Variants in SLC16A1 observed in about 807,000 individuals in gnomAD.
SLC16A1 encodes the protein solute carrier family 16 member 1.
A neutral mutation model predicts 32.2 loss-of-function variants in SLC16A1; 11 were observed. That is an observed-to-expected ratio of 0.34 (90% CI 0.21 to 0.56). The LOEUF (loss-of-function observed/expected upper bound fraction) is 0.56. Among genes scored for constraint, SLC16A1 ranks in the 20% least tolerant of loss-of-function variants. The probability of loss-of-function intolerance (pLI) is 0.87; values close to 1 mark genes in which losing one functional copy is unlikely to be tolerated. For missense variants in SLC16A1, 435 were observed against 615.0 expected (o/e 0.71, Z 3.10); for synonymous variants, 231 against 226.8 (o/e 1.02, Z -0.17).
intron 2 of SLC16A1, among the ~76,000 whole-genome samples, chr1:112,924,751 G>C (rs113138859): frequency 0.025 from 3,780 of 152,180 alleles, 166 homozygotes; most frequent in African/African-American, 0.086. Flanking sequence ...AGGTATGGTG[G>C]TGGTGCATGC....
chr1:112,954,681 T>C (rs1650014518), intron 1 of SLC16A1, among the ~76,000 whole-genome samples: 1 of 152,226 alleles, frequency 6.6e-6, no homozygotes, highest in Non-Finnish European at 1.5e-5. Flanking sequence ...CCTCAGATCA[T>C]TAACTTGCAT....
intron 1 of SLC16A1, among the ~76,000 whole-genome samples, chr1:112,939,053 G>GTT (rs60769129): frequency 1.4e-5 from 2 of 144,138 alleles, no homozygotes; most frequent in Non-Finnish European, 1.5e-5. Context: ...ACCATGCCCA[G>GTT]TTTTTTTTTT....
intron 4 of SLC16A1, among the ~76,000 whole-genome samples, chr1:112,914,848 T>G (rs1481520518): frequency 6.6e-6 from 1 of 152,244 alleles, no homozygotes; most frequent in East Asian, 1.9e-4. Flanking sequence ...TCAAATGAAT[T>G]GATAAATGGC....
Position 112,913,846 on chromosome 1 carries a change from A to C in SLC16A1, c.*45T>G, listed in dbSNP as rs1648406644. ...ACAGGCCAGTAGAATATTTTCAGAT[A>C]TCCTGGGTCATGAACTGCTCAATTT... On this transcript the variant is annotated 3_prime_UTR_variant, in exon 5 of 5. Coordinates refer to ENST00000369626, the MANE Select transcript of SLC16A1 (RefSeq NM_003051.4). 1 of 1,611,312 alleles carries C rather than the reference A, an allele frequency of 6.2e-7. No homozygotes were observed. Among genetic ancestry groups the C allele is most frequent in the African/African-American group, 1.3e-5 (1 of 74,874 alleles).
intron 1 of SLC16A1, among the ~76,000 whole-genome samples, chr1:112,951,206 T>C (rs780042472): frequency 2.0e-4 from 30 of 151,954 alleles, no homozygotes; most frequent in Non-Finnish European, 3.2e-4. Flanking sequence ...GAGAAAAATA[T>C]ATAAACTAGG....
intron 1 of SLC16A1, among the ~76,000 whole-genome samples, chr1:112,948,487 T>C (rs540459575): frequency 6.6e-6 from 1 of 152,204 alleles, no homozygotes; most frequent in South Asian, 2.1e-4. Context: ...TTTTTTTAGA[T>C]GGAGTCTAGC....
chr1:112,937,502 C>G (rs1649347594), intron 1 of SLC16A1, among the ~76,000 whole-genome samples: 1 of 152,016 alleles, frequency 6.6e-6, no homozygotes, highest in Non-Finnish European at 1.5e-5. Context: ...ATGGCTATCC[C>G]TGTTAACTTA....
At chr1:112,941,278 C>CTTT (rs11362773) in intron 1 of SLC16A1, among the ~76,000 whole-genome samples, 2 of 111,562 alleles carry the variant, frequency 1.8e-5, no homozygotes, top group Admixed American at 8.9e-5. Flanking sequence ...CTCTTCACAC[C>CTTT]TTTTTTTTTT....
chr1:112,918,094 AAATAAAT>A (rs755603597), intron 3 of SLC16A1, 50 bp from the exon 4 acceptor site: 67 of 1,090,212 alleles, frequency 6.1e-5, no homozygotes, highest in African/African-American at 1.0e-4. Flanking sequence ...ATAAATAAAT[AAATAAAT>A]AATAAGAGGT....
chr1:112,950,001 T>C (rs908749081), intron 1 of SLC16A1, among the ~76,000 whole-genome samples: 1 of 152,228 alleles, frequency 6.6e-6, no homozygotes, highest in African/African-American at 2.4e-5. Flanking sequence ...AATTTCAAGA[T>C]AGCTATAACA....
chr1:112,947,839 C>A (rs926105269), intron 1 of SLC16A1, among the ~76,000 whole-genome samples: 2 of 152,128 alleles, frequency 1.3e-5, no homozygotes, highest in African/African-American at 4.8e-5. Flanking sequence ...CAGTAACAGA[C>A]AAATCTCACA....
chr1:112,942,691 C>G (rs1649550160), intron 1 of SLC16A1, among the ~76,000 whole-genome samples: 1 of 152,186 alleles, frequency 6.6e-6, no homozygotes. Flanking sequence ...TACAATATGC[C>G]TGAGTAAGAA....
chr1:112,941,621 G>A (rs541035507), intron 1 of SLC16A1, among the ~76,000 whole-genome samples: 17 of 152,208 alleles, frequency 1.1e-4, no homozygotes, highest in African/African-American at 4.1e-4. Context: ...ACGTATTCTT[G>A]GAGAGCATTC....
intron 1 of SLC16A1, among the ~76,000 whole-genome samples, chr1:112,944,361 C>T (rs1432818119): frequency 6.6e-6 from 1 of 152,140 alleles, no homozygotes; most frequent in East Asian, 1.9e-4. Flanking sequence ...CTGAGGATCA[C>T]TTGAGCCCAG....
At chr1:112,918,757 C>G (rs1362334825) in intron 3 of SLC16A1, among the ~76,000 whole-genome samples, 1 of 152,136 alleles carries the variant, frequency 6.6e-6, no homozygotes, top group African/African-American at 2.4e-5. Context: ...GAGCTATGAT[C>G]ACACAACTGC....
intron 1 of SLC16A1, among the ~76,000 whole-genome samples, chr1:112,938,962 C>T (rs1253015568): frequency 6.6e-6 from 1 of 151,416 alleles, no homozygotes; most frequent in East Asian, 1.9e-4. Flanking sequence ...GCGATCTCGG[C>T]TCACTGCAAC....
intron 1 of SLC16A1, among the ~76,000 whole-genome samples, chr1:112,940,866 C>G (rs769744015): frequency 1.1e-4 from 16 of 152,122 alleles, no homozygotes; most frequent in Non-Finnish European, 2.4e-4. Flanking sequence ...CTTTCCTTTA[C>G]GAGTTCTTTA....
chr1:112,935,223 T>C (rs1649259768), intron 1 of SLC16A1, among the ~76,000 whole-genome samples: 1 of 151,818 alleles, frequency 6.6e-6, no homozygotes, highest in African/African-American at 2.4e-5. Flanking sequence ...GAGAACAGCC[T>C]GGCCAACATG....
At chr1:112,918,097 TAAA>T in intron 3 of SLC16A1, 53 bp from the exon 4 acceptor site, 1 of 904,046 alleles carries the variant, frequency 1.1e-6, no homozygotes, top group South Asian at 3.9e-5. Context: ...AATAAATAAA[TAAA>T]TAATAAGAGG....
Sources: allele counts gnomAD v4.1 joint callset (sites outside exome capture counted in the v4.1 genomes callset), GRCh38; gene constraint gnomAD v4.1.1; transcripts MANE v1.5; gene names NCBI Gene and HGNC (gene_info 2026-07-23, HGNC 2026-07-21).